CCBE1: variants seen among roughly 807,000 people sequenced by gnomAD.
The protein encoded by CCBE1 is collagen and calcium-binding EGF domain-containing protein 1.
Under a neutral mutation model 50.0 loss-of-function variants are expected in CCBE1, and 37 were observed. The ratio of observed to expected loss-of-function variants is 0.74; its 90% CI spans 0.57 to 0.97. The LOEUF (loss-of-function observed/expected upper bound fraction) is 0.97. CCBE1 is among the 50% of genes least tolerant of loss of function. The pLI, the probability that CCBE1 is intolerant of heterozygous loss-of-function variation, is 0.00. For synonymous variants in CCBE1, 234 were observed against 203.7 expected (o/e 1.15, Z -1.27); for missense variants, 538 against 523.8 (o/e 1.03, Z -0.26).
At chr18:59,517,481 A>G (rs1259355367) in intron 2 of CCBE1, among the ~76,000 whole-genome samples, 1 of 152,254 alleles carries the variant, frequency 6.6e-6, no homozygotes, top group Non-Finnish European at 1.5e-5. Flanking sequence ...AGTAACATAT[A>G]AAGGATATCA....
At chr18:59,522,206 A>C (rs17836215) in intron 2 of CCBE1, among the ~76,000 whole-genome samples, 9,106 of 151,822 alleles carry the variant, frequency 0.06, 884 homozygotes, top group East Asian at 0.37. Context: ...TGTTTACATG[A>C]ATCTTGGTAA....
At chr18:59,651,910 GATACA>G (rs1424225346) in intron 2 of CCBE1, among the ~76,000 whole-genome samples, 1 of 152,170 alleles carries the variant, frequency 6.6e-6, no homozygotes, top group Admixed American at 6.5e-5. Flanking sequence ...CCATTATCAA[GATACA>G]ATACATCTTT....
At chr18:59,592,229 C>T (rs544552652) in intron 2 of CCBE1, among the ~76,000 whole-genome samples, 5 of 152,152 alleles carry the variant, frequency 3.3e-5, no homozygotes, top group South Asian at 4.1e-4. Context: ...AGCAAGTCTG[C>T]GTCTCGAAAA....
chr18:59,510,038 G>T (rs1914064778), intron 2 of CCBE1, among the ~76,000 whole-genome samples: 1 of 152,198 alleles, frequency 6.6e-6, no homozygotes, highest in African/African-American at 2.4e-5. Context: ...CTGGTGCTGG[G>T]AGTTCAAATT....
intron 5 of CCBE1, among the ~76,000 whole-genome samples, chr18:59,461,835 C>A (rs986216077): frequency 6.8e-6 from 1 of 147,834 alleles, no homozygotes. Flanking sequence ...TGGGTTCAAG[C>A]GATTCTCCTG....
At chr18:59,634,307 C>T (rs922692254) in intron 2 of CCBE1, among the ~76,000 whole-genome samples, 1 of 152,202 alleles carries the variant, frequency 6.6e-6, no homozygotes, top group African/African-American at 2.4e-5. Flanking sequence ...GAGAAAAGGC[C>T]TCCCCCACTG....
chr18:59,590,508 C>G (rs1268920078), intron 2 of CCBE1, among the ~76,000 whole-genome samples: 2 of 151,888 alleles, frequency 1.3e-5, no homozygotes, highest in Non-Finnish European at 2.9e-5. Flanking sequence ...TTTTATGGAG[C>G]TAGGCATGAT....
At chr18:59,578,952 T>C (rs559010341) in intron 2 of CCBE1, among the ~76,000 whole-genome samples, 10 of 152,272 alleles carry the variant, frequency 6.6e-5, no homozygotes, top group African/African-American at 2.4e-4. Flanking sequence ...GTATAATAAT[T>C]TTTTAAAAAA....
At chr18:59,566,941 G>A (rs1420823578) in intron 2 of CCBE1, among the ~76,000 whole-genome samples, 1 of 152,102 alleles carries the variant, frequency 6.6e-6, no homozygotes, top group Admixed American at 6.5e-5. Context: ...AAACTATGCA[G>A]AATTCTTTTT....
chr18:59,464,421 G>A (rs1000858493), intron 5 of CCBE1, among the ~76,000 whole-genome samples: 4 of 152,300 alleles, frequency 2.6e-5, no homozygotes, highest in Middle Eastern at 3.4e-3. Context: ...GGGCAACAGA[G>A]CAAGACTCTG....
intron 2 of CCBE1, among the ~76,000 whole-genome samples, chr18:59,571,852 A>G (rs538006053): frequency 2.0e-5 from 3 of 152,348 alleles, no homozygotes; most frequent in African/African-American, 4.8e-5. Flanking sequence ...CCCAAGACCT[A>G]CTGAATCTGC....
Position 59,435,894 on chromosome 18 carries a change from G to T in CCBE1, c.*14C>A. The T allele has an allele frequency of 6.2e-7, 1 of 1,603,646 alleles. No individual in the cohort carries two copies. Among genetic ancestry groups the T allele is most frequent in the South Asian group, 1.1e-5 (1 of 90,832 alleles). ...GATCTTTCTCTTCCTTTGGCGTGAC[G>T]GTGTTGGGATGTGCTATGGGTAGAA... On this transcript the variant is annotated 3_prime_UTR_variant, in exon 11 of 11. Coordinates refer to ENST00000439986, the MANE Select transcript of CCBE1 (RefSeq NM_133459.4).
chr18:59,508,297 G>A (rs558625221), intron 2 of CCBE1, among the ~76,000 whole-genome samples: 6 of 151,952 alleles, frequency 3.9e-5, no homozygotes, highest in South Asian at 2.1e-4. Flanking sequence ...TCTGCTAAAT[G>A]GCAATTTGAA....
At chr18:59,606,785 T>A (rs945721886) in intron 2 of CCBE1, among the ~76,000 whole-genome samples, 3 of 152,370 alleles carry the variant, frequency 2.0e-5, no homozygotes, top group African/African-American at 7.2e-5. Flanking sequence ...GTTAACCTTA[T>A]ATTTGCAACA....
chr18:59,515,711 T>TAGGCAGGGGAGG (rs1458231094), intron 2 of CCBE1, among the ~76,000 whole-genome samples: 1 of 152,136 alleles, frequency 6.6e-6, no homozygotes, highest in Non-Finnish European at 1.5e-5. Flanking sequence ...TCTTTAGAGA[T>TAGGCAGGGGAGG]AGGCAGGGGA....
chr18:59,650,348 A>T (rs1391977036), intron 2 of CCBE1, among the ~76,000 whole-genome samples: 2 of 150,668 alleles, frequency 1.3e-5, no homozygotes, highest in African/African-American at 4.9e-5. Flanking sequence ...TCCAAGCAGA[A>T]GAGGCTCCAG....
chr18:59,693,947 C>T (rs3114278), intron 2 of CCBE1, among the ~76,000 whole-genome samples: 56,944 of 142,424 alleles, frequency 0.4, 11,965 homozygotes, highest in Non-Finnish European at 0.48. Context: ...TCTCAGCTCA[C>T]TGCAACCTCC....
intron 2 of CCBE1, among the ~76,000 whole-genome samples, chr18:59,502,766 C>A (rs1024355056): frequency 6.6e-6 from 1 of 152,134 alleles, no homozygotes; most frequent in Non-Finnish European, 1.5e-5. Flanking sequence ...CAGAGCGGAG[C>A]TTTAAGAGCG....
At chr18:59,635,213 C>T (rs1176439747) in intron 2 of CCBE1, among the ~76,000 whole-genome samples, 1 of 152,162 alleles carries the variant, frequency 6.6e-6, no homozygotes, top group Non-Finnish European at 1.5e-5. Context: ...ATCATAGCTT[C>T]GAAGTATTGA....
Sources: allele counts gnomAD v4.1 joint callset (sites outside exome capture counted in the v4.1 genomes callset), GRCh38; gene constraint gnomAD v4.1.1; transcripts MANE v1.5; gene names NCBI Gene and HGNC (gene_info 2026-07-23, HGNC 2026-07-21).